The following CHL1 variants were observed in gnomAD, a reference collection of about 807,000 sequenced individuals.
The protein encoded by CHL1 is cell adhesion molecule L1 like.
Under a neutral mutation model 141.9 loss-of-function variants are expected in CHL1, and 96 were observed. That is an observed-to-expected ratio of 0.68 (90% CI 0.57 to 0.80). The LOEUF is 0.80. Among genes scored for constraint, CHL1 ranks in the 30% least tolerant of loss-of-function variants. The probability of loss-of-function intolerance (pLI) is 0.00; values close to 1 mark genes in which losing one functional copy is unlikely to be tolerated. For missense variants in CHL1, 1,820 were observed against 1,457.2 expected, an observed-to-expected ratio of 1.25 and a Z score of -4.05; for synonymous variants, 613 against 502.2, an observed-to-expected ratio of 1.22 and a Z score of -2.95.
chr3:288,165 C>T (rs1474086434), intron 2 of CHL1, among the ~76,000 whole-genome samples: 1 of 152,084 alleles, frequency 6.6e-6, no homozygotes, highest in African/African-American at 2.4e-5. Flanking sequence ...TTTAAGGTGA[C>T]CAAGTTTATA....
intron 5 of CHL1, among the ~76,000 whole-genome samples, chr3:333,066 G>A (rs1701566369): frequency 6.7e-6 from 1 of 148,726 alleles, no homozygotes; most frequent in African/African-American, 2.5e-5. Flanking sequence ...TATGATATGA[G>A]AGTATTGTAT....
intron 1 of CHL1, among the ~76,000 whole-genome samples, chr3:199,451 G>A (rs563864907): frequency 2.6e-5 from 4 of 152,142 alleles, no homozygotes; most frequent in Non-Finnish European, 5.9e-5. Context: ...ATTCCTCATG[G>A]TTATATAGGT....
chr3:398,913 T>C (rs1708892989), intron 25 of CHL1, 104 bp from the exon 26 acceptor site: 1 of 1,023,168 alleles, frequency 9.8e-7, no homozygotes, highest in East Asian at 2.4e-5. Context: ...AAAAAACTGA[T>C]ACTATTTGGT....
At position 379,854 on chromosome 3, in the gene CHL1, A is replaced by T. The variant is rs537289347; in HGVS notation, c.1876+1912A>T. On this transcript the variant is annotated intron_variant, in intron 16 of 27. Transcript: ENST00000256509. ...CTGATTTACCAAAGCATCTCTCGAC[A>T]ATTGACAATAAAAAAATAATTATAT... 4.7e-4 allele frequency among the ~76,000 whole-genome samples: 72 copies of T among 152,230 alleles called. No homozygotes were observed. In the South Asian group the frequency reaches 0.014, roughly 30 times the overall value.
chr3:276,704 A>C (rs1696146837), intron 2 of CHL1, among the ~76,000 whole-genome samples: 1 of 151,670 alleles, frequency 6.6e-6, no homozygotes, highest in Non-Finnish European at 1.5e-5. Flanking sequence ...CCTGGCTAAC[A>C]GGGTGAAATC....
chr3:401,594 A>T, intron 26 of CHL1, 32 bp from the exon 27 acceptor site: 1 of 1,292,690 alleles, frequency 7.7e-7, no homozygotes, highest in Non-Finnish European at 1.1e-6. Flanking sequence ...TGGTCACTGT[A>T]TTACTTTTCC....
chr3:216,489 A>G (rs577866558), intron 1 of CHL1, among the ~76,000 whole-genome samples: 44 of 152,326 alleles, frequency 2.9e-4, no homozygotes, highest in African/African-American at 9.6e-4. Context: ...ACTTTTATGA[A>G]TGAAAGACTA....
intron 2 of CHL1, chr3:282,770 A>T (rs1367512731): frequency 6.6e-6 from 1 of 152,184 alleles, no homozygotes; most frequent in East Asian, 1.9e-4. Context: ...TTCAAGTTTT[A>T]GATGGGTCAC....
intron 2 of CHL1, among the ~76,000 whole-genome samples, chr3:245,245 A>G (rs1648734720): frequency 6.6e-6 from 1 of 152,152 alleles, no homozygotes; most frequent in Non-Finnish European, 1.5e-5. Flanking sequence ...ATTATAACTA[A>G]TTTCAAAGAG....
intron 2 of CHL1, among the ~76,000 whole-genome samples, chr3:254,946 A>G (rs1694021348): frequency 6.6e-6 from 1 of 152,198 alleles, no homozygotes; most frequent in East Asian, 1.9e-4. Context: ...AAACCCTACC[A>G]TCATGCAAAG....
chr3:224,130 C>A (rs989838985), intron 1 of CHL1, among the ~76,000 whole-genome samples: 4 of 152,124 alleles, frequency 2.6e-5, no homozygotes, highest in Admixed American at 2.6e-4. Flanking sequence ...CTCCCATAAT[C>A]CTAGTCTTGT....
At chr3:360,563 T>C in intron 12 of CHL1, 139 bp downstream of exon 12, 1 of 850,518 alleles carries the variant, frequency 1.2e-6, no homozygotes. Flanking sequence ...CATTTGAGTT[T>C]TAGACTTCAC....
chr3:232,532 T>C (rs1215438443), intron 1 of CHL1, among the ~76,000 whole-genome samples: 1 of 152,102 alleles, frequency 6.6e-6, no homozygotes, highest in East Asian at 1.9e-4. Flanking sequence ...GTCATTAGAG[T>C]CACTTATTTA....
intron 2 of CHL1, among the ~76,000 whole-genome samples, chr3:267,148 T>C (rs894312362): frequency 1.3e-4 from 20 of 152,344 alleles, no homozygotes; most frequent in African/African-American, 4.3e-4. Flanking sequence ...TCTTTCACAG[T>C]ACACCATAGG....
At chr3:358,316 G>C (rs1703900467) in intron 11 of CHL1, among the ~76,000 whole-genome samples, 1 of 151,982 alleles carries the variant, frequency 6.6e-6, no homozygotes, top group South Asian at 2.1e-4. Context: ...TCCTTCCATG[G>C]TCACATTTCC....
chr3:381,114 T>C (rs1412147123), intron 16 of CHL1, among the ~76,000 whole-genome samples: 1 of 152,174 alleles, frequency 6.6e-6, no homozygotes, highest in African/African-American at 2.4e-5. Context: ...GGAATTTTCA[T>C]TGTTATTAAC....
chr3:320,959 G>C (rs1226912979), intron 3 of CHL1, among the ~76,000 whole-genome samples: 2 of 151,938 alleles, frequency 1.3e-5, no homozygotes, highest in Non-Finnish European at 2.9e-5. Context: ...GATATTTGTG[G>C]ATTTTCTAAA....
chr3:275,734 G>A (rs1162027067), intron 2 of CHL1, among the ~76,000 whole-genome samples: 1 of 152,070 alleles, frequency 6.6e-6, no homozygotes, highest in Non-Finnish European at 1.5e-5. Flanking sequence ...GTTCTATAAT[G>A]AGAAATCTTT....
intron 2 of CHL1, among the ~76,000 whole-genome samples, chr3:286,574 G>T (rs573361523): frequency 1.4e-5 from 2 of 142,580 alleles, no homozygotes; most frequent in African/African-American, 5.3e-5. Flanking sequence ...TTGCGCCATT[G>T]CACTCCAGCC....
Sources: gnomAD v4.1 joint callset for allele counts (sites outside exome capture counted in the v4.1 genomes callset) on GRCh38, gnomAD v4.1.1 for gene constraint, MANE v1.5 for transcripts, NCBI Gene and HGNC (gene_info 2026-07-23, HGNC 2026-07-21) for gene names.